Variants in MYO18B observed in about 807,000 individuals in gnomAD.
The protein encoded by MYO18B is myosin XVIIIB.
A neutral mutation model predicts 273.0 loss-of-function variants in MYO18B; 204 were observed. That is an observed-to-expected ratio of 0.75 (90% confidence interval 0.67 to 0.84). The LOEUF is 0.84. Ranked by LOEUF, MYO18B falls within the 40% of genes least tolerant of loss-of-function variation. MYO18B has a pLI of 0.00. For synonymous variants in MYO18B, 1,330 were observed against 1,305.7 expected (o/e 1.02, Z -0.40); for missense variants, 3,212 against 3,287.6 (o/e 0.98, Z 0.56).
the MYO18B span, among the ~76,000 whole-genome samples, chr22:26,042,704 T>G: frequency 6.6e-6 from 1 of 152,194 alleles, no homozygotes; most frequent in Non-Finnish European, 1.5e-5. Context: ...ACTCCTTCTC[T>G]CTCCCTCTTC....
chr22:25,790,130 G>C (rs1176313266), intron 11 of MYO18B, among the ~76,000 whole-genome samples: 1 of 150,072 alleles, frequency 6.7e-6, no homozygotes, highest in Non-Finnish European at 1.5e-5. Flanking sequence ...TCCAGCCTGG[G>C]CGACAGCGTG....
chr22:25,890,925 G>T (rs754359308), intron 26 of MYO18B, 50 bp downstream of exon 26: 2 of 1,590,984 alleles, frequency 1.3e-6, no homozygotes, highest in Admixed American at 1.8e-5. Flanking sequence ...GGCTAAAAAT[G>T]GTTGGGTCTG....
intron 6 of MYO18B, among the ~76,000 whole-genome samples, chr22:25,771,719 G>T (rs56933455): frequency 0.014 from 2,116 of 152,304 alleles, 54 homozygotes; most frequent in African/African-American, 0.047. Flanking sequence ...GCTCAAGCTT[G>T]GCCCAAACCT....
intron 34 of MYO18B, among the ~76,000 whole-genome samples, chr22:25,929,979 A>G (rs1182303163): frequency 6.6e-6 from 1 of 152,064 alleles, no homozygotes; most frequent in Non-Finnish European, 1.5e-5. Flanking sequence ...CTTGACCTAC[A>G]CGGATGCATA....
intron 1 of MYO18B, among the ~76,000 whole-genome samples, chr22:25,745,958 T>C (rs1389412405): frequency 6.6e-6 from 1 of 152,190 alleles, no homozygotes; most frequent in Non-Finnish European, 1.5e-5. Context: ...CGTGAGTTAT[T>C]AGCCCCATTT....
chr22:25,932,398 TTTTC>T (rs1384927473), intron 34 of MYO18B, among the ~76,000 whole-genome samples: 3 of 83,714 alleles, frequency 3.6e-5, no homozygotes, highest in African/African-American at 1.1e-4. Flanking sequence ...TTCTTTTCTT[TTTTC>T]TTTTCTTTCT....
At chr22:25,913,630 A>G (rs1035632284) in intron 33 of MYO18B, among the ~76,000 whole-genome samples, 1 of 152,116 alleles carries the variant, frequency 6.6e-6, no homozygotes, top group Non-Finnish European at 1.5e-5. Flanking sequence ...GGCCTCCCAA[A>G]GTGCTGGGAT....
intron 10 of MYO18B, among the ~76,000 whole-genome samples, chr22:25,782,934 G>C (rs188146220): frequency 6.6e-6 from 1 of 152,248 alleles, no homozygotes; most frequent in African/African-American, 2.4e-5. Context: ...GGACAAGGCT[G>C]TGTGGATTTG....
In MYO18B at chr22:26,010,112, T is replaced by C. The variant is rs532325619; in HGVS notation, c.6470+5257T>C. ...TTATCATTCCCCTCTCTCATCCCCA[T>C]ATTCAACGAATCCGTAAGTCTTGTA... On this transcript the variant is annotated intron_variant, in intron 42 of 43. Transcript: ENST00000335473. Among the ~76,000 whole-genome samples the C allele has an allele frequency of 2.6e-5, 4 of 152,168 alleles. No homozygotes were observed. In the South Asian group the frequency reaches 8.3e-4, roughly 32 times the overall value.
chr22:25,855,602 A>G (rs1273800963), intron 21 of MYO18B, among the ~76,000 whole-genome samples: 1 of 152,134 alleles, frequency 6.6e-6, no homozygotes, highest in Non-Finnish European at 1.5e-5. Flanking sequence ...TTGTGACTGC[A>G]TAGTATTCCA....
Position 25,763,312 on chromosome 22 carries a change from C to T in MYO18B, c.121C>T (p.Leu41=), listed in dbSNP as rs893893866. 2 of 1,613,172 alleles carry T rather than the reference C, an allele frequency of 1.2e-6. No homozygotes were observed. Among genetic ancestry groups the T allele is most frequent in the Admixed American group, 1.7e-5 (1 of 59,712 alleles). ...SVIPGGFIKQ[L]VRGTEKEAKE... ...CATCCCAGGGGGCTTCATTAAGCAACTGGTCCGGGGGACTGAAAAAGAGGC... is the reference window on the plus strand; with the variant it reads ...CATCCCAGGGGGCTTCATTAAGCAATTGGTCCGGGGGACTGAAAAAGAGGC... The change falls in exon 3 of 44, where the codon CTG becomes TTG. Residue 41 remains leucine (L), a synonymous_variant. Transcript: ENST00000335473.
chr22:25,824,947 CAT>C (rs751286040), intron 13 of MYO18B, among the ~76,000 whole-genome samples: 16 of 142,800 alleles, frequency 1.1e-4, no homozygotes, highest in Non-Finnish European at 2.3e-4. Context: ...CACTGGCACA[CAT>C]ATACTGCAAG....
chr22:25,994,916 G>T (rs1933070649), intron 40 of MYO18B, among the ~76,000 whole-genome samples: 1 of 152,232 alleles, frequency 6.6e-6, no homozygotes, highest in Non-Finnish European at 1.5e-5. Flanking sequence ...CATAGCAAGA[G>T]ATTGCTTTTC....
intron 32 of MYO18B, among the ~76,000 whole-genome samples, chr22:25,908,671 A>G (rs1246074981): frequency 6.6e-6 from 1 of 152,174 alleles, no homozygotes; most frequent in East Asian, 1.9e-4. Context: ...TGGCTCAGAG[A>G]TTTCTACTAA....
chr22:25,870,570 T>C (rs2091019347), intron 22 of MYO18B, among the ~76,000 whole-genome samples: 1 of 152,230 alleles, frequency 6.6e-6, no homozygotes, highest in South Asian at 2.1e-4. Context: ...AGGCGGTGCA[T>C]GACTGTACAT....
At chr22:25,833,032 T>A (rs1471615271) in intron 16 of MYO18B, 35 bp downstream of exon 16, 1 of 1,583,374 alleles carries the variant, frequency 6.3e-7, no homozygotes, top group Admixed American at 1.7e-5. Flanking sequence ...GGCTCTCAGA[T>A]GCCAGTTGGC....
intron 39 of MYO18B, among the ~76,000 whole-genome samples, chr22:25,980,855 C>T (rs2146787573): frequency 6.6e-6 from 1 of 152,296 alleles, no homozygotes; most frequent in South Asian, 2.1e-4. Context: ...TCCTACAGTT[C>T]TGGAGGCTGG....
chr22:25,762,838 A>G (rs914394776), intron 2 of MYO18B, among the ~76,000 whole-genome samples: 4 of 152,222 alleles, frequency 2.6e-5, no homozygotes, highest in African/African-American at 2.4e-5. Flanking sequence ...GAGAGCGTGG[A>G]TGATTCCCTG....
the MYO18B span, among the ~76,000 whole-genome samples, chr22:26,052,928 G>A: frequency 7.9e-5 from 12 of 151,456 alleles, no homozygotes; most frequent in South Asian, 4.2e-4. Flanking sequence ...TCAGCCTCCT[G>A]AGTAGCTGGG....
Sources: gnomAD v4.1 joint callset for allele counts (sites outside exome capture counted in the v4.1 genomes callset) on GRCh38, gnomAD v4.1.1 for gene constraint, MANE v1.5 for transcripts, NCBI Gene and HGNC (gene_info 2026-07-23, HGNC 2026-07-21) for gene names.